The following CDC42SE2 variants were observed in gnomAD, a reference collection of about 807,000 sequenced individuals.
CDC42SE2 encodes the protein CDC42 small effector protein 2.
CDC42SE2 carries 3 observed loss-of-function variants against 11.5 expected under a neutral mutation model. That is an observed-to-expected ratio of 0.26 (90% CI 0.12 to 0.67). The LOEUF (loss-of-function observed/expected upper bound fraction) is 0.67. Ranked by LOEUF, CDC42SE2 falls within the 30% of genes least tolerant of loss-of-function variation. The probability of loss-of-function intolerance (pLI) is 0.80; values close to 1 mark genes in which losing one functional copy is unlikely to be tolerated. For missense variants in CDC42SE2, 82 were observed against 106.8 expected, an observed-to-expected ratio of 0.77 and a Z score of 1.02; for synonymous variants, 33 against 34.8, an observed-to-expected ratio of 0.95 and a Z score of 0.18.
intron 2 of CDC42SE2, among the ~76,000 whole-genome samples, chr5:131,342,124 A>T (rs1256081533): frequency 6.6e-6 from 1 of 151,508 alleles, no homozygotes; most frequent in East Asian, 2.0e-4. Context: ...TACCAAAAAT[A>T]CAAAAATTAG....
At chr5:131,366,884 T>C (rs930363865) in intron 3 of CDC42SE2, among the ~76,000 whole-genome samples, 13 of 151,822 alleles carry the variant, frequency 8.6e-5, no homozygotes, top group African/African-American at 3.1e-4. Context: ...AAAAATTAGC[T>C]GTGTGTGGTA....
chr5:131,263,929 G>A (rs973898371), upstream of CDC42SE2: 5 of 151,910 alleles, frequency 3.3e-5, no homozygotes, highest in African/African-American at 9.7e-5. Flanking sequence ...CTGGCGGGGG[G>A]CGGGGCCAGC....
chr5:131,343,607 G>A (rs1758764120), intron 2 of CDC42SE2, among the ~76,000 whole-genome samples: 1 of 151,954 alleles, frequency 6.6e-6, no homozygotes, highest in Non-Finnish European at 1.5e-5. Context: ...AGCTACTCAG[G>A]AAGGCTGAGG....
chr5:131,363,818 C>G (rs1334292944), intron 3 of CDC42SE2, among the ~76,000 whole-genome samples: 1 of 151,522 alleles, frequency 6.6e-6, no homozygotes, highest in Non-Finnish European at 1.5e-5. Flanking sequence ...GCCTCAGCCT[C>G]CCGAGTAGCT....
At chr5:131,227,898 C>A in the CDC42SE2 span, among the ~76,000 whole-genome samples, 1 of 151,984 alleles carries the variant, frequency 6.6e-6, no homozygotes, top group Non-Finnish European at 1.5e-5. Context: ...ATACAAAAAT[C>A]ATCCGGAGGC....
At chr5:131,339,564 T>C (rs1758660306) in intron 2 of CDC42SE2, among the ~76,000 whole-genome samples, 1 of 152,078 alleles carries the variant, frequency 6.6e-6, no homozygotes, top group African/African-American at 2.4e-5. Flanking sequence ...CCCAGGACTT[T>C]GGGAGGCTAA....
At chr5:131,266,413 A>G (rs1234458266) in intron 1 of CDC42SE2, among the ~76,000 whole-genome samples, 2 of 151,090 alleles carry the variant, frequency 1.3e-5, no homozygotes, top group Non-Finnish European at 2.9e-5. Context: ...TTACATTCAA[A>G]TAGAAGTTTC....
chr5:131,371,157 ATATAT>A (rs1233712368), intron 3 of CDC42SE2, among the ~76,000 whole-genome samples: 1 of 152,206 alleles, frequency 6.6e-6, no homozygotes, highest in Non-Finnish European at 1.5e-5. Flanking sequence ...GATGTTTATA[ATATAT>A]TGAACAGTTT....
intron 1 of CDC42SE2, among the ~76,000 whole-genome samples, chr5:131,302,848 G>A (rs1757711864): frequency 6.7e-6 from 1 of 149,636 alleles, no homozygotes; most frequent in Non-Finnish European, 1.5e-5. Flanking sequence ...AAGACAAGCA[G>A]ATTCTGAAAT....
upstream of CDC42SE2, among the ~76,000 whole-genome samples, chr5:131,259,801 T>C (rs1004924191): frequency 1.4e-4 from 21 of 152,274 alleles, no homozygotes; most frequent in Admixed American, 1.0e-3. Context: ...GTGTCTCTTG[T>C]CATTCAACTG....
rs1394756286 is a variant in CDC42SE2 at position 131,318,924 on chromosome 5, C to CA, written c.-286+2781dup. On this transcript the variant is annotated intron_variant, in intron 2 of 4. Transcript: ENST00000505065. Reference sequence around the variant, plus strand: ...TTTTTTTTCTTTTTTCTTTTTGAGACAGAGTCTCACTCTGTTGCACCGGCT... The same window carrying CA: ...TTTTTTTTCTTTTTTCTTTTTGAGACAAGAGTCTCACTCTGTTGCACCGGCT... 2.0e-5 allele frequency among the ~76,000 whole-genome samples: 3 copies of CA among 152,130 alleles called. No individual in the cohort carries two copies. The East Asian group carries it at 5.8e-4, about 29-fold the overall frequency.
At chr5:131,373,294 A>G (rs1366777516) in intron 3 of CDC42SE2, among the ~76,000 whole-genome samples, 2 of 152,204 alleles carry the variant, frequency 1.3e-5, no homozygotes, top group Non-Finnish European at 2.9e-5. Flanking sequence ...ATCAGATATA[A>G]TAAAAAAATA....
intron 1 of CDC42SE2, among the ~76,000 whole-genome samples, chr5:131,276,726 GA>G (rs1373222402): frequency 1.1e-4 from 12 of 112,900 alleles, no homozygotes; most frequent in African/African-American, 1.5e-4. Context: ...ATGACCATTA[GA>G]ATTTTTTTTT....
chr5:131,272,823 A>G lies in CDC42SE2; in HGVS notation c.-455+8657A>G, dbSNP rs567772804. Among the ~76,000 whole-genome samples, 5 of 152,268 alleles carry G rather than the reference A, an allele frequency of 3.3e-5. No individual in the cohort carries two copies. The East Asian group carries it at 7.7e-4, about 24-fold the overall frequency. On this transcript the variant is annotated intron_variant, in intron 1 of 4. Transcript: ENST00000505065. Reference sequence around the variant, plus strand: ...TGCTTTTTTTCTCTTTCATTCTACCATAACAGCTCTTTTTGAGATTATTGA... The same window carrying G: ...TGCTTTTTTTCTCTTTCATTCTACCGTAACAGCTCTTTTTGAGATTATTGA...
chr5:131,300,799 A>T (rs1340983717), intron 1 of CDC42SE2, among the ~76,000 whole-genome samples: 2 of 152,074 alleles, frequency 1.3e-5, no homozygotes, highest in African/African-American at 4.8e-5. Flanking sequence ...AAAAAAAAAA[A>T]ATTATGTTTA....
At chr5:131,234,276 C>A in the CDC42SE2 span, among the ~76,000 whole-genome samples, 1 of 152,146 alleles carries the variant, frequency 6.6e-6, no homozygotes, top group Non-Finnish European at 1.5e-5. Context: ...AGTTGCATTT[C>A]TCTTATCTTA....
chr5:131,224,288 C>G, the CDC42SE2 span, among the ~76,000 whole-genome samples: 1 of 152,206 alleles, frequency 6.6e-6, no homozygotes, highest in Non-Finnish European at 1.5e-5. Flanking sequence ...AACATCTCCA[C>G]TCGAATATCT....
At chr5:131,229,502 G>A in the CDC42SE2 span, among the ~76,000 whole-genome samples, 10 of 152,090 alleles carry the variant, frequency 6.6e-5, no homozygotes, top group South Asian at 8.3e-4. Flanking sequence ...CAATTCTCCC[G>A]CCTCAGCCTC....
intron 1 of CDC42SE2, among the ~76,000 whole-genome samples, chr5:131,268,902 C>T (rs1756934435): frequency 6.6e-6 from 1 of 151,880 alleles, no homozygotes; most frequent in African/African-American, 2.4e-5. Flanking sequence ...AGGCGTGTGC[C>T]ACCATGCCTG....
Sources: allele counts gnomAD v4.1 joint callset (sites outside exome capture counted in the v4.1 genomes callset), GRCh38; gene constraint gnomAD v4.1.1; transcripts MANE v1.5; gene names NCBI Gene and HGNC (gene_info 2026-07-23, HGNC 2026-07-21).